The following CALN1 variants were observed in gnomAD, a reference collection of about 807,000 sequenced individuals.
The protein encoded by CALN1 is calneuron 1, also known as calcium-binding protein 8.
In CALN1, 17 loss-of-function variants were observed where a neutral mutation model predicts 30.6. The ratio of observed to expected loss-of-function variants is 0.56; its 90% CI spans 0.38 to 0.83. CALN1 has a LOEUF of 0.83. CALN1 is among the 40% of genes least tolerant of loss of function. The pLI, the probability that CALN1 is intolerant of heterozygous loss-of-function variation, is 0.00. For synonymous variants in CALN1, 156 were observed against 131.4 expected (o/e 1.19, Z -1.28); for missense variants, 291 against 354.9 (o/e 0.82, Z 1.45).
intron 5 of CALN1, among the ~76,000 whole-genome samples, chr7:71,858,989 T>C (rs537009013): frequency 1.3e-5 from 2 of 152,226 alleles, no homozygotes; most frequent in Admixed American, 6.5e-5. Flanking sequence ...AGATGTAAAC[T>C]GAACAAGTTC....
At chr7:71,803,635 C>G (rs1383921685) in intron 6 of CALN1, among the ~76,000 whole-genome samples, 4 of 152,214 alleles carry the variant, frequency 2.6e-5, no homozygotes, top group Admixed American at 6.5e-5. Context: ...CCACCACACC[C>G]AGCTAATTTT....
intron 5 of CALN1, among the ~76,000 whole-genome samples, chr7:71,855,397 A>T (rs1278817095): frequency 1.3e-5 from 2 of 152,098 alleles, no homozygotes; most frequent in Non-Finnish European, 2.9e-5. Context: ...ACGGCACCCA[A>T]ATTTCCTTTC....
chr7:72,362,735 T>C (rs1272033905), intron 2 of CALN1, among the ~76,000 whole-genome samples: 2 of 152,044 alleles, frequency 1.3e-5, no homozygotes, highest in African/African-American at 4.8e-5. Flanking sequence ...CTGGGGACTC[T>C]CCCCCTCCTG....
At chr7:72,377,442 T>TGTGTGC (rs779601289) in intron 2 of CALN1, among the ~76,000 whole-genome samples, 1 of 87,980 alleles carries the variant, frequency 1.1e-5, no homozygotes, top group Non-Finnish European at 3.2e-5. Context: ...CTTTCGTGTG[T>TGTGTGC]GTGTGTGTGT....
intron 5 of CALN1, among the ~76,000 whole-genome samples, chr7:72,001,640 T>C (rs1297669432): frequency 6.6e-6 from 1 of 152,230 alleles, no homozygotes; most frequent in Admixed American, 6.5e-5. Flanking sequence ...CCAAGTGGAC[T>C]TTACTTCCTT....
intron 5 of CALN1, among the ~76,000 whole-genome samples, chr7:72,000,288 T>C (rs1799461978): frequency 6.6e-6 from 1 of 151,926 alleles, no homozygotes; most frequent in African/African-American, 2.4e-5. Context: ...CTAGCAACAG[T>C]GACAGAAAAC....
At chr7:71,881,546 A>G (rs1277975022) in intron 5 of CALN1, among the ~76,000 whole-genome samples, 1 of 152,150 alleles carries the variant, frequency 6.6e-6, no homozygotes, top group Admixed American at 6.5e-5. Flanking sequence ...TCTACCAAGA[A>G]GCCACAATGT....
chr7:72,043,053 C>T (rs751166505), intron 4 of CALN1, among the ~76,000 whole-genome samples: 1 of 152,178 alleles, frequency 6.6e-6, no homozygotes, highest in African/African-American at 2.4e-5. Flanking sequence ...CATGGCTTCT[C>T]GTGGTTCAGA....
Position 72,050,533 on chromosome 7 carries a change from A to G in CALN1, c.389-26764T>C, listed in dbSNP as rs995148611. Among the ~76,000 whole-genome samples, 8 of 152,312 alleles carry G rather than the reference A, an allele frequency of 5.3e-5. No individual in the cohort carries two copies. The East Asian group carries it at 1.5e-3, about 29-fold the overall frequency. On this transcript the variant is annotated intron_variant, in intron 4 of 6. Coordinates refer to ENST00000395275, the MANE Select transcript of CALN1 (RefSeq NM_031468.4). Reference sequence around the variant, plus strand: ...CTAGGATTTAATATTAATAGTAAACATTGAAGCAGAGCCCTAGATCACTCC... The same window carrying G: ...CTAGGATTTAATATTAATAGTAAACGTTGAAGCAGAGCCCTAGATCACTCC...
chr7:72,425,209 G>A (rs1305810982), intron 1 of CALN1, among the ~76,000 whole-genome samples: 2 of 152,124 alleles, frequency 1.3e-5, no homozygotes, highest in East Asian at 3.9e-4. Flanking sequence ...CACCTTCCTG[G>A]TTCAAGTGAT....
At chr7:72,496,126 T>C in the CALN1 span, among the ~76,000 whole-genome samples, 1 of 152,316 alleles carries the variant, frequency 6.6e-6, no homozygotes, top group South Asian at 2.1e-4. Context: ...TTTGCCATGT[T>C]GGCCAGGCTG....
intron 6 of CALN1, among the ~76,000 whole-genome samples, chr7:71,809,865 G>C (rs1787841775): frequency 6.6e-6 from 1 of 151,452 alleles, no homozygotes; most frequent in Admixed American, 6.6e-5. Context: ...GGAACATAGA[G>C]GTCATCCATT....
rs541328908 is a variant in CALN1 at position 72,146,369 on chromosome 7, T to C, written c.245-40075A>G. Among the ~76,000 whole-genome samples, 9 of 152,280 alleles carry C rather than the reference T, an allele frequency of 5.9e-5. No homozygotes were observed. The South Asian group carries it at 1.5e-3, about 25-fold the overall frequency. ...ATCATGAGTGAACTCCCATTCACAA[T>C]TGCTTCAAAGAGAATAAAATACCTA... On this transcript the variant is annotated intron_variant, in intron 3 of 6. Coordinates refer to ENST00000395275, the MANE Select transcript of CALN1 (RefSeq NM_031468.4).
rs764270817 is a variant in CALN1 at position 71,780,094 on chromosome 7, T to G, written c.*7681A>C. ...GCCTGGACAGACTTTCTGAGTCTAA[T>G]TTTTCTCCAAAGTCATTGTTTTTGG... On this transcript the variant is annotated 3_prime_UTR_variant, in exon 7 of 7. Coordinates refer to ENST00000395275, the MANE Select transcript of CALN1 (RefSeq NM_031468.4). 2.6e-5 allele frequency: 4 copies of G among 152,364 alleles called. No individual in the cohort carries two copies. Among genetic ancestry groups the G allele is most frequent in the African/African-American group, 9.6e-5 (4 of 41,586 alleles). 9.4% of individuals were successfully genotyped at this position (152,364 alleles called of 1,614,324 possible).
chr7:72,171,139 C>T (rs1215774575), intron 3 of CALN1, among the ~76,000 whole-genome samples: 2 of 152,054 alleles, frequency 1.3e-5, no homozygotes, highest in Non-Finnish European at 2.9e-5. Context: ...GCCTGGGTGA[C>T]AGAGTGAGAG....
Position 71,782,097 on chromosome 7 carries a change from G to T in CALN1, c.*5678C>A, listed in dbSNP as rs762231086. 6.6e-6 allele frequency: 1 copy of T among 152,170 alleles called. No homozygotes were observed. Among genetic ancestry groups the T allele is most frequent in the African/African-American group, 2.4e-5 (1 of 41,442 alleles). 9.4% of individuals were successfully genotyped at this position (152,170 alleles called of 1,614,324 possible). The stretch of plus-strand genomic sequence containing the variant: ...TAAGAGAAATGCTTGGCTTGTTGGT[G>T]TAATTGATCTCATTGCTCCAAACCA... On this transcript the variant is annotated 3_prime_UTR_variant, in exon 7 of 7. Transcript: ENST00000395275.
chr7:71,895,305 T>C lies in CALN1; in HGVS notation c.502-84813A>G, dbSNP rs375767542. 5.3e-5 allele frequency among the ~76,000 whole-genome samples: 8 copies of C among 149,572 alleles called. No homozygotes were observed. In the Admixed American group the frequency reaches 5.4e-4, roughly 10 times the overall value. On this transcript the variant is annotated intron_variant, in intron 5 of 6. Transcript: ENST00000395275. ...TAATTTTAAGTGATTCTCTTGACAA[T>C]TTTCTCTCTTTTCTTTTTTTTTGAG...
intron 2 of CALN1, among the ~76,000 whole-genome samples, chr7:72,341,096 C>G (rs1206723167): frequency 1.3e-5 from 2 of 152,196 alleles, no homozygotes; most frequent in Admixed American, 1.3e-4. Context: ...GGCAGATGAA[C>G]AGAGTTGACA....
chr7:72,149,378 G>A (rs1055496136), intron 3 of CALN1, among the ~76,000 whole-genome samples: 11 of 152,192 alleles, frequency 7.2e-5, no homozygotes, highest in African/African-American at 2.6e-4. Flanking sequence ...TGAGGCAGGA[G>A]TATCATTTGA....
Sources: gnomAD v4.1 joint callset for allele counts (sites outside exome capture counted in the v4.1 genomes callset) on GRCh38, gnomAD v4.1.1 for gene constraint, MANE v1.5 for transcripts, NCBI Gene and HGNC (gene_info 2026-07-23, HGNC 2026-07-21) for gene names.